PADI6: variants seen among roughly 807,000 people sequenced by gnomAD.
PADI6 encodes inactive protein-arginine deiminase type-6.
PADI6 carries 66 observed loss-of-function variants against 78.2 expected under a neutral mutation model. That is an observed-to-expected ratio of 0.84 (90% CI 0.69 to 1.04). PADI6 has a LOEUF of 1.04. Among genes scored for constraint, PADI6 ranks in the 50% least tolerant of loss-of-function variants. PADI6 has a pLI of 0.00. For missense variants in PADI6, 854 were observed against 866.1 expected, an observed-to-expected ratio of 0.99 and a Z score of 0.18; for synonymous variants, 397 against 346.9, an observed-to-expected ratio of 1.14 and a Z score of -1.60.
chr1:17,381,934 C>T, intron 5 of PADI6, 33 bp from the exon 6 acceptor site: 1 of 1,612,496 alleles, frequency 6.2e-7, no homozygotes, highest in East Asian at 2.2e-5. Context: ...GGCCTCCAGA[C>T]ATTCCTTAAC....
chr1:17,377,523 G>A (rs572719021), intron 3 of PADI6, among the ~76,000 whole-genome samples: 8 of 152,266 alleles, frequency 5.3e-5, no homozygotes, highest in African/African-American at 9.6e-5. Flanking sequence ...CAGCATGATC[G>A]CTTCGGTGTC....
At chr1:17,387,946 C>T (rs2075137359) in intron 6 of PADI6, among the ~76,000 whole-genome samples, 1 of 152,238 alleles carries the variant, frequency 6.6e-6, no homozygotes, top group African/African-American at 2.4e-5. Context: ...ATGGTTCTCA[C>T]TGACCTTTCT....
At chr1:17,393,404 A>AG (rs1457175786) in intron 9 of PADI6, among the ~76,000 whole-genome samples, 2 of 152,248 alleles carry the variant, frequency 1.3e-5, no homozygotes, top group Non-Finnish European at 2.9e-5. Context: ...AAGGCATCAC[A>AG]GTGGCATAGG....
chr1:17,391,376 C>T (rs950935633), intron 8 of PADI6, among the ~76,000 whole-genome samples: 16 of 152,166 alleles, frequency 1.1e-4, no homozygotes, highest in African/African-American at 3.1e-4. Flanking sequence ...TGTACTGCCA[C>T]GCCCAGCTAA....
intron 15 of PADI6, 136 bp downstream of exon 15, chr1:17,398,983 TC>T (rs1368337280): frequency 1.0e-6 from 1 of 959,128 alleles, no homozygotes; most frequent in African/African-American, 1.7e-5. Flanking sequence ...GGAGACCCCT[TC>T]TCCCCCATCT....
rs142160753 is a variant in PADI6, at chr1:17,378,459, A to G, written c.368-1461A>G. Among the ~76,000 whole-genome samples the G allele has an allele frequency of 2.5e-3, 379 of 152,280 alleles. 1 individual carries two copies. Among genetic ancestry groups the G allele is most frequent in the African/African-American group, 8.7e-3 (363 of 41,548 alleles). On this transcript the variant is annotated intron_variant, in intron 3 of 15. Transcript: ENST00000619609. ...TTCCAGTTGGGAATCAGCATGTCAA[A>G]TAATGAGCTGTGAACAAAAGACCAC...
rs374474859 is a variant in PADI6 at position 17,395,588 on chromosome 1, C to T, written c.1543C>T (p.Arg515Ter). 6 of 1,586,162 alleles carry T rather than the reference C, an allele frequency of 3.8e-6. No individual in the cohort carries two copies. The highest frequency in any genetic ancestry group is 1.1e-5 in the South Asian group (1 of 87,202). Residue 515 changes from arginine to a stop codon, truncating the protein, a stop_gained, in exon 13 of 16, where the codon CGA becomes TGA. Coordinates refer to ENST00000619609, the MANE Select transcript of PADI6 (RefSeq NM_207421.4). LOFTEE classifies it high-confidence loss of function. ...ASPSACYKLFREKQKEGYGDA... is the reference protein window; with the variant it reads ...ASPSACYKLF ...CCCCAGTGCCTGCTATAAACTGTTC[C>T]GAGAGAAACAGAAGGAAGGCTATGG...
chr1:17,386,376 T>C (rs148494188), intron 6 of PADI6, among the ~76,000 whole-genome samples: 2 of 152,156 alleles, frequency 1.3e-5, no homozygotes, highest in Non-Finnish European at 2.9e-5. Flanking sequence ...AGTAGGGGAT[T>C]GTGGCAAACA....
At chr1:17,376,468 T>A (rs962385305) in intron 3 of PADI6, among the ~76,000 whole-genome samples, 1 of 150,548 alleles carries the variant, frequency 6.6e-6, no homozygotes, top group Admixed American at 6.6e-5. Context: ...CCCGGCTAAT[T>A]TTTTTTTATT....
At position 17,372,317 on chromosome 1, in the gene PADI6, T is replaced by C. The variant is rs1372835185; in HGVS notation, c.72T>C (p.His24=). 6.2e-7 allele frequency: 1 copy of C among 1,613,950 alleles called. No homozygotes were observed. The highest frequency in any genetic ancestry group is 8.5e-7 in the Non-Finnish European group (1 of 1,179,878). Residue 24 remains histidine (H), a synonymous_variant, in exon 1 of 16, where the codon CAT becomes CAC. Transcript: ENST00000619609. ...IIHLSLDSPV[H]AVCVLGTEIC... is the part of the protein sequence containing the mutation. ...ACCTGTCCCTGGACAGCCCTGTCCA[T>C]GCCGTTTGTGTGTTGGGCACAGAAA...
At chr1:17,385,911 T>C (rs1220037993) in intron 6 of PADI6, among the ~76,000 whole-genome samples, 1 of 152,068 alleles carries the variant, frequency 6.6e-6, no homozygotes, top group East Asian at 1.9e-4. Context: ...TCAGCTCAAA[T>C]CATCAGTATT....
At chr1:17,381,215 T>C (rs1428562786) in intron 5 of PADI6, 51 bp downstream of exon 5, 2 of 1,447,270 alleles carry the variant, frequency 1.4e-6, no homozygotes, top group Non-Finnish European at 1.9e-6. Flanking sequence ...TTTGCTGCCC[T>C]GCTTCTCAGC....
chr1:17,393,011 T>G (rs755198153), intron 9 of PADI6, among the ~76,000 whole-genome samples: 1 of 152,122 alleles, frequency 6.6e-6, no homozygotes, highest in African/African-American at 2.4e-5. Flanking sequence ...CCGGGCATGG[T>G]GGCGCGCGCC....
intron 5 of PADI6, 46 bp from the exon 6 acceptor site, chr1:17,381,921 G>T (rs1169717425): frequency 6.2e-7 from 1 of 1,610,140 alleles, no homozygotes; most frequent in Non-Finnish European, 8.5e-7. Context: ...CCCCCAGAGT[G>T]CTGGCCTCCA....
At position 17,376,379 on chromosome 1, in the gene PADI6, C is replaced by T. The variant is rs189089151; in HGVS notation, c.367+880C>T. ...CAGTGGCGCGATCTTGGCTCACTGC[C>T]CATTCCACCTCCCAGGTTCACACCA... On this transcript the variant is annotated intron_variant, in intron 3 of 15. Transcript: ENST00000619609. 5.5e-3 allele frequency among the ~76,000 whole-genome samples: 828 copies of T among 150,632 alleles called. 3 individuals carry two copies. The highest frequency in any genetic ancestry group is 8.0e-3 in the Non-Finnish European group (543 of 67,722).
chr1:17,399,441 C>A (rs973278399), intron 15 of PADI6, among the ~76,000 whole-genome samples: 1 of 151,930 alleles, frequency 6.6e-6, no homozygotes, highest in African/African-American at 2.4e-5. Context: ...TCTAAAAATA[C>A]AAAATTAGTT....
chr1:17,379,132 T>TA lies in PADI6; in HGVS notation c.368-786dup, dbSNP rs869129728. On this transcript the variant is annotated intron_variant, in intron 3 of 15. Coordinates refer to ENST00000619609, the MANE Select transcript of PADI6 (RefSeq NM_207421.4). ...GTTAATTTTTTTTTTTTTTTTTTTT[T>TA]AAGACGGAGTCTCGCTGTCGCCCAG... Among the ~76,000 whole-genome samples the TA allele has an allele frequency of 1.3e-3, 171 of 136,260 alleles. 2 individuals carry two copies. Among genetic ancestry groups the TA allele is most frequent in the Non-Finnish European group, 9.5e-4 (63 of 66,158 alleles). The allele number at this position is 136,260 out of a possible 152,430, so 89.4% of individuals were successfully genotyped here.
chr1:17,383,573 C>T (rs951785410), intron 6 of PADI6, among the ~76,000 whole-genome samples: 3 of 152,222 alleles, frequency 2.0e-5, no homozygotes, highest in East Asian at 1.9e-4. Flanking sequence ...TCAGGCTGGG[C>T]GTGGTGGCTC....
intron 8 of PADI6, among the ~76,000 whole-genome samples, chr1:17,391,200 T>A (rs1194764582): frequency 7.3e-6 from 1 of 136,156 alleles, no homozygotes; most frequent in Non-Finnish European, 1.6e-5. Flanking sequence ...GACCTGTTTG[T>A]TCCGTTTGTT....
Sources: allele counts gnomAD v4.1 joint callset (sites outside exome capture counted in the v4.1 genomes callset), GRCh38; gene constraint gnomAD v4.1.1; transcripts MANE v1.5; gene names NCBI Gene and HGNC (gene_info 2026-07-23, HGNC 2026-07-21).